CSMD3: variants seen among roughly 807,000 people sequenced by gnomAD.
CSMD3 encodes the protein CUB and Sushi multiple domains 3.
CSMD3 carries 177 observed loss-of-function variants against 435.2 expected under a neutral mutation model. The observed-to-expected ratio is 0.41, with a 90% CI of 0.36 to 0.46. CSMD3 has a LOEUF of 0.46. Ranked by LOEUF, CSMD3 falls within the 20% of genes least tolerant of loss-of-function variation. The probability of loss-of-function intolerance (pLI) is 0.34; values close to 1 mark genes in which losing one functional copy is unlikely to be tolerated. For synonymous variants in CSMD3, 1,656 were observed against 1,520.5 expected (o/e 1.09, Z -2.07); for missense variants, 4,265 against 4,504.6 (o/e 0.95, Z 1.52).
chr8:113,401,454 C>T lies in CSMD3; in HGVS notation c.178+35223G>A, dbSNP rs542696882. Among the ~76,000 whole-genome samples, 13 of 151,612 alleles carry T rather than the reference C, an allele frequency of 8.6e-5. No homozygotes were observed. The South Asian group carries it at 2.3e-3, about 27-fold the overall frequency. On this transcript the variant is annotated intron_variant, in intron 1 of 70. Coordinates refer to ENST00000297405, the MANE Select transcript of CSMD3 (RefSeq NM_198123.2). ...AGGTAAAGGGCATTTAAATTGTACA[C>T]GCTTTTAGGGAAAAAAGAGATTTCC...
intron 1 of CSMD3, among the ~76,000 whole-genome samples, chr8:113,398,065 G>C (rs970863991): frequency 6.6e-6 from 1 of 152,014 alleles, no homozygotes; most frequent in Admixed American, 6.6e-5. Flanking sequence ...GTGAATGCTC[G>C]ATAGCGTTAA....
intron 27 of CSMD3, among the ~76,000 whole-genome samples, chr8:112,545,482 C>CAAAAAAAAAAA (rs71566032): frequency 4.1e-4 from 11 of 26,866 alleles, no homozygotes; most frequent in South Asian, 2.8e-3. Context: ...GACTCCATCT[C>CAAAAAAAAAAA]AAAAAAAAAA....
chr8:112,881,270 C>A (rs978996033), intron 10 of CSMD3, among the ~76,000 whole-genome samples: 22 of 151,878 alleles, frequency 1.4e-4, no homozygotes, highest in African/African-American at 5.1e-4. Flanking sequence ...TGGGGACTTA[C>A]AACATTTTGA....
chr8:112,260,457 A>T (rs1265142870), intron 61 of CSMD3, among the ~76,000 whole-genome samples: 1 of 152,220 alleles, frequency 6.6e-6, no homozygotes, highest in Non-Finnish European at 1.5e-5. Flanking sequence ...ATATACGTAA[A>T]GCAACTGAGA....
chr8:113,422,491 G>GTC (rs2094613457), intron 1 of CSMD3, among the ~76,000 whole-genome samples: 1 of 152,076 alleles, frequency 6.6e-6, no homozygotes, highest in South Asian at 2.1e-4. Flanking sequence ...GTATTCCTCT[G>GTC]TAAGTCTGAA....
chr8:112,599,549 G>T (rs984061206), intron 22 of CSMD3, among the ~76,000 whole-genome samples: 3 of 151,894 alleles, frequency 2.0e-5, no homozygotes, highest in Non-Finnish European at 4.4e-5. Flanking sequence ...AAATCATGCT[G>T]CTATAAAGAC....
At chr8:112,729,763 G>C (rs1031507151) in intron 13 of CSMD3, among the ~76,000 whole-genome samples, 1 of 152,038 alleles carries the variant, frequency 6.6e-6, no homozygotes, top group Non-Finnish European at 1.5e-5. Context: ...ATAGAGAGTG[G>C]AGTGATGTGG....
chr8:112,894,050 C>G (rs544124603), intron 10 of CSMD3, among the ~76,000 whole-genome samples: 1 of 151,392 alleles, frequency 6.6e-6, no homozygotes, highest in African/African-American at 2.4e-5. Flanking sequence ...ATCCTAAAAA[C>G]CAAACAAACA....
chr8:112,487,649 G>C (rs1490067729), intron 31 of CSMD3, among the ~76,000 whole-genome samples: 1 of 152,126 alleles, frequency 6.6e-6, no homozygotes, highest in Non-Finnish European at 1.5e-5. Flanking sequence ...GGAGAACAAA[G>C]GAAGGAGAAA....
chr8:113,025,292 A>T (rs2131205450), intron 5 of CSMD3, among the ~76,000 whole-genome samples: 3 of 152,226 alleles, frequency 2.0e-5, no homozygotes, highest in Admixed American at 2.0e-4. Context: ...TATGCGTCTT[A>T]GGGTGTGGTT....
chr8:112,720,893 G>C (rs1390250926), intron 13 of CSMD3, among the ~76,000 whole-genome samples: 1 of 152,130 alleles, frequency 6.6e-6, no homozygotes, highest in Non-Finnish European at 1.5e-5. Flanking sequence ...AGAGAAATTT[G>C]TATGACTTTA....
chr8:112,923,895 T>C (rs2082825759), intron 9 of CSMD3, among the ~76,000 whole-genome samples: 1 of 152,144 alleles, frequency 6.6e-6, no homozygotes, highest in Non-Finnish European at 1.5e-5. Context: ...AAATATTCTC[T>C]GTCAGGATAC....
At chr8:113,355,307 C>G (rs761609757) in intron 1 of CSMD3, among the ~76,000 whole-genome samples, 30 of 151,970 alleles carry the variant, frequency 2.0e-4, no homozygotes, top group Non-Finnish European at 3.5e-4. Context: ...CTTTGGCTCA[C>G]AGGTTTTCTT....
At chr8:113,227,370 G>C (rs999457895) in intron 3 of CSMD3, among the ~76,000 whole-genome samples, 1 of 151,496 alleles carries the variant, frequency 6.6e-6, no homozygotes, top group South Asian at 2.1e-4. Context: ...AGAATGATTG[G>C]CTCTGATCTA....
chr8:112,419,352 C>A (rs1406263772), intron 32 of CSMD3, among the ~76,000 whole-genome samples: 5 of 152,068 alleles, frequency 3.3e-5, no homozygotes, highest in African/African-American at 7.2e-5. Flanking sequence ...ATAATGAGAC[C>A]ATTCTGGCTC....
chr8:112,231,418 T>C, intron 69 of CSMD3, 127 bp downstream of exon 69: 10 of 726,062 alleles, frequency 1.4e-5, no homozygotes, highest in Non-Finnish European at 2.0e-5. Context: ...AAGGTATCAA[T>C]GCATAGTTCT....
chr8:113,241,300 A>T (rs1461987018), intron 3 of CSMD3, among the ~76,000 whole-genome samples: 1 of 152,248 alleles, frequency 6.6e-6, no homozygotes, highest in East Asian at 1.9e-4. Flanking sequence ...TGGCAACAAC[A>T]GCAGAAAAAA....
chr8:113,277,956 G>T (rs896618383), intron 3 of CSMD3, among the ~76,000 whole-genome samples: 2 of 151,834 alleles, frequency 1.3e-5, no homozygotes, highest in African/African-American at 2.4e-5. Flanking sequence ...ATTATCAAAC[G>T]ATATTTTCCT....
At chr8:112,247,160 T>C (rs760519113) in intron 63 of CSMD3, 29 bp from the exon 64 acceptor site, 2 of 1,398,464 alleles carry the variant, frequency 1.4e-6, no homozygotes, top group Non-Finnish European at 2.0e-6. Flanking sequence ...AGGAAAAAAA[T>C]ATTCCCCTAC....
Sources: allele counts gnomAD v4.1 joint callset (sites outside exome capture counted in the v4.1 genomes callset), GRCh38; gene constraint gnomAD v4.1.1; transcripts MANE v1.5; gene names NCBI Gene and HGNC (gene_info 2026-07-23, HGNC 2026-07-21).